Variants in POLR2B observed in about 807,000 individuals in gnomAD.
POLR2B encodes the protein DNA-directed RNA polymerase II subunit RPB2.
A neutral mutation model predicts 144.6 loss-of-function variants in POLR2B; 57 were observed. The observed-to-expected ratio is 0.39, with a 90% CI of 0.32 to 0.49. The LOEUF (loss-of-function observed/expected upper bound fraction) is 0.49, where lower values mean the gene tolerates loss of function less well. Among genes scored for constraint, POLR2B ranks in the 20% least tolerant of loss-of-function variants. POLR2B has a pLI of 0.83. For missense variants in POLR2B, 595 were observed against 1,467.4 expected, an observed-to-expected ratio of 0.41 and a Z score of 9.71; for synonymous variants, 442 against 469.8, an observed-to-expected ratio of 0.94 and a Z score of 0.77.
At chr4:56,982,638 T>G (rs556677605) in intron 1 of POLR2B, among the ~76,000 whole-genome samples, 1 of 152,276 alleles carries the variant, frequency 6.6e-6, no homozygotes, top group African/African-American at 2.4e-5. Context: ...TTTTTTTTTC[T>G]TGCCATTATT....
Position 57,010,879 on chromosome 4 carries a change from T to C in POLR2B, c.1680T>C (p.Ala560=), listed in dbSNP as rs1482835272. 1 of 1,608,974 alleles carries C rather than the reference T, an allele frequency of 6.2e-7. No individual in the cohort carries two copies. The highest frequency in any genetic ancestry group is 2.2e-5 in the East Asian group (1 of 44,824). ...MENLEEISPA[A]IADATKIFVN... ...ATTTAGAAGAAATTTCTCCTGCAGC[T>C]ATTGCTGAGTGTGTATAGATGGAAT... Residue 560 remains alanine, a synonymous_variant, in exon 12 of 25, where the codon GCT becomes GCC. Transcript: ENST00000314595.
rs1723395599 is a variant in POLR2B, at chr4:57,017,190, A to G, written c.2103A>G (p.Ser701=). ...STYTHCEIHP[S]MILGVCASII... is the part of the protein sequence containing the mutation. ...ATACACACTGTGAGATTCATCCCTC[A>G]ATGATCCTTGGTGTCTGTGCATCTA... The change falls in exon 15 of 25, where the codon TCA becomes TCG. Residue 701 remains serine (S), a synonymous_variant. Transcript: ENST00000314595. This position sits in a 1 kb window ranked among gnomAD's most constrained non-coding sequence, Gnocchi z 4.8. 1 of 1,613,442 alleles carries G rather than the reference A, an allele frequency of 6.2e-7. No individual in the cohort carries two copies. The highest frequency in any genetic ancestry group is 8.5e-7 in the Non-Finnish European group (1 of 1,179,650).
rs1407741557 is a variant in POLR2B at position 57,022,246 on chromosome 4, G to C, written c.2515G>C (p.Gly839Arg). The stretch of plus-strand genomic sequence containing the variant: ...GAAGCCTACACGTGAAACATGCCAG[G>C]GTAAGTGACACTAACATTTAAATGA... ...FEKPTRETCQ[G>R]MRHAIYDKLD... The change falls in exon 18 of 25, where the codon GGC (glycine) becomes CGC (arginine). Residue 839 changes from glycine to arginine, a missense_variant and splice_region_variant. This residue lies in a region of POLR2B where 75 missense variants were observed against 100.0 expected (regional missense o/e 0.75). Transcript: ENST00000314595. 1 of 1,572,124 alleles carries C rather than the reference G, an allele frequency of 6.4e-7. No homozygotes were observed. The highest frequency in any genetic ancestry group is 8.7e-7 in the Non-Finnish European group (1 of 1,147,296).
chr4:57,004,468 G>T (rs916791721), intron 7 of POLR2B, among the ~76,000 whole-genome samples: 1 of 151,538 alleles, frequency 6.6e-6, no homozygotes, highest in Non-Finnish European at 1.5e-5. Context: ...CTGGACTCAA[G>T]CCATCCTCCT....
chr4:57,010,919 A>G lies in POLR2B; in HGVS notation c.1688+32A>G, dbSNP rs200434775. The G allele has an allele frequency of 9.4e-5, 150 of 1,599,348 alleles. No individual in the cohort carries two copies. In the African/African-American group the frequency reaches 1.9e-3, roughly 20 times the overall value. Reference sequence around the variant, plus strand: ...ATAGATGGAATTAGTTTTTTAAACTATAGTTAATCTTTAGTTGTTGCTTAG... The same window carrying G: ...ATAGATGGAATTAGTTTTTTAAACTGTAGTTAATCTTTAGTTGTTGCTTAG... On this transcript the variant is annotated intron_variant, in intron 12 of 24. Transcript: ENST00000314595.
At position 57,017,282 on chromosome 4, in the gene POLR2B, G is replaced by T. The variant is rs755418164; in HGVS notation, c.2154+41G>T. The T allele has an allele frequency of 4.9e-6, 7 of 1,430,670 alleles. No homozygotes were observed. In the Admixed American group the frequency reaches 1.3e-4, roughly 27 times the overall value. 88.6% of individuals were successfully genotyped at this position (1,430,670 alleles called of 1,614,324 possible). ...TGTCTTCTGGTGTGAGGAATTGGGA[G>T]AAGTAATAAAAATTGAAAGTAACTC... On this transcript the variant is annotated intron_variant, in intron 15 of 24. Transcript: ENST00000314595. This position sits in a 1 kb window ranked among gnomAD's most constrained non-coding sequence, Gnocchi z 4.8.
chr4:57,016,285 G>A (rs1578585339), intron 14 of POLR2B, among the ~76,000 whole-genome samples: 1 of 152,024 alleles, frequency 6.6e-6, no homozygotes, highest in South Asian at 2.1e-4. Context: ...AGTGGCTCAT[G>A]CCTGTAATCT....
rs1341954148 is a variant in POLR2B, at chr4:57,013,324, G to T, written c.1801-2178G>T. On this transcript the variant is annotated intron_variant, in intron 13 of 24. Coordinates refer to ENST00000314595, the MANE Select transcript of POLR2B (RefSeq NM_000938.3). Reference sequence around the variant, plus strand: ...CTTATTTACAGCTTGAAGTCAGGAAGAGAGTGATTCACTTGAGGGCAGGCA... The same window carrying T: ...CTTATTTACAGCTTGAAGTCAGGAATAGAGTGATTCACTTGAGGGCAGGCA... 1.7e-4 allele frequency among the ~76,000 whole-genome samples: 26 copies of T among 152,262 alleles called. No homozygotes were observed. In the East Asian group the frequency reaches 4.2e-3, roughly 25 times the overall value.
In POLR2B at chr4:56,994,676, C is replaced by T; in HGVS notation, c.386C>T (p.Thr129Ile). The T allele has an allele frequency of 9.9e-6, 16 of 1,612,396 alleles. No homozygotes were observed. The highest frequency in any genetic ancestry group is 1.4e-5 in the Non-Finnish European group (16 of 1,178,604). Residue 129 changes from threonine (T) to isoleucine (I), a missense_variant, in exon 5 of 25, where the codon ACA (threonine) becomes ATA (isoleucine). By Grantham distance (89) the Thr-to-Ile change is moderately conservative. Around this residue, in one of 9 missense-constraint regions of POLR2B, gnomAD observed 251 missense variants for 567.3 expected, o/e 0.44. Transcript: ENST00000314595. ...TYSAPLYVDI[T>I]KTVIKEGEEQ... ...TCTGCTCCGCTTTATGTTGATATAA[C>T]AAAAACAGTCATTAAAGAAGGTGAA...
intron 6 of POLR2B, among the ~76,000 whole-genome samples, chr4:56,996,924 AAAC>A (rs1162428647): frequency 2.6e-5 from 4 of 151,936 alleles, no homozygotes; most frequent in Non-Finnish European, 2.9e-5. Flanking sequence ...TTCTCTAGCA[AAAC>A]AACAACAACA....
At chr4:56,987,006 T>C (rs1228293028) in intron 2 of POLR2B, among the ~76,000 whole-genome samples, 1 of 152,202 alleles carries the variant, frequency 6.6e-6, no homozygotes, top group Non-Finnish European at 1.5e-5. Flanking sequence ...TCCTTTAATC[T>C]GGAACAGTTC....
At position 57,023,848 on chromosome 4, in the gene POLR2B, C is replaced by A; in HGVS notation, c.2856+97C>A. The A allele has an allele frequency of 1.1e-6, 1 of 880,004 alleles. No homozygotes were observed. The highest frequency in any genetic ancestry group is 1.8e-6 in the Non-Finnish European group (1 of 561,070). 54.5% of individuals were successfully genotyped at this position (880,004 alleles called of 1,614,324 possible). On this transcript the variant is annotated intron_variant, in intron 20 of 24. Transcript: ENST00000314595. The surrounding 1 kb of genome is among the most constrained non-coding windows in gnomAD (Gnocchi z 4.3). ...TTAACTTAAGAGCTCAAAGATGATA[C>A]AGGTTGAACTTTTTGATTTTATTGT... is the stretch of plus-strand genomic sequence containing the variant.
chr4:56,987,398 A>G (rs994083841), intron 2 of POLR2B, among the ~76,000 whole-genome samples: 1 of 30,738 alleles, frequency 3.3e-5, no homozygotes, highest in African/African-American at 1.4e-4. Flanking sequence ...TTAAAGGCTT[A>G]TAACTCTTCT....
At chr4:57,003,931 A>G (rs1722929565) in intron 7 of POLR2B, among the ~76,000 whole-genome samples, 1 of 151,960 alleles carries the variant, frequency 6.6e-6, no homozygotes, top group South Asian at 2.1e-4. Context: ...ACTGCATTCC[A>G]GCCAGGGCGA....
chr4:57,023,451 A>G lies in POLR2B; in HGVS notation c.2637A>G (p.Glu879=), dbSNP rs1392204639. The change falls in exon 19 of 25, where the codon GAA becomes GAG. Residue 879 remains glutamate, a synonymous_variant. Coordinates refer to ENST00000314595, the MANE Select transcript of POLR2B (RefSeq NM_000938.3). This position sits in a 1 kb window ranked among gnomAD's most constrained non-coding sequence, Gnocchi z 4.3. ...KTVTLPENED[E]LESTNRRYTK... is the part of the protein sequence containing the mutation. ...TCACCTTGCCTGAAAATGAAGATGA[A>G]TTGGAGAGCACCAATAGACGCTATA... 1.2e-6 allele frequency: 2 copies of G among 1,614,022 alleles called. No individual in the cohort carries two copies.
At chr4:56,988,893 A>G (rs1722418768) in intron 2 of POLR2B, among the ~76,000 whole-genome samples, 1 of 152,364 alleles carries the variant, frequency 6.6e-6, no homozygotes, top group South Asian at 2.1e-4. Context: ...TGTTTTCAAC[A>G]TATGTGGTAG....
At chr4:56,984,797 CA>C (rs1722266018) in intron 1 of POLR2B, among the ~76,000 whole-genome samples, 1 of 152,080 alleles carries the variant, frequency 6.6e-6, no homozygotes, top group Admixed American at 6.6e-5. Flanking sequence ...GAATAAAAGC[CA>C]AAAATACAGC....
intron 7 of POLR2B, among the ~76,000 whole-genome samples, chr4:57,002,034 T>A (rs1363611114): frequency 1.3e-5 from 2 of 152,156 alleles, no homozygotes; most frequent in African/African-American, 4.8e-5. Context: ...GTTACATACC[T>A]TATTATTATT....
At chr4:56,997,022 G>A (rs1180728921) in intron 6 of POLR2B, among the ~76,000 whole-genome samples, 3 of 152,166 alleles carry the variant, frequency 2.0e-5, no homozygotes, top group African/African-American at 7.2e-5. Context: ...TGGCTTGAGT[G>A]CTGAGGTTGC....
Sources: gnomAD v4.1 joint callset for allele counts (sites outside exome capture counted in the v4.1 genomes callset) on GRCh38, gnomAD v4.1.1 for gene constraint, gnomAD v4.1.1 regional missense constraint, Gnocchi (gnomAD v3.1) non-coding constraint, MANE v1.5 for transcripts, NCBI Gene and HGNC (gene_info 2026-07-23, HGNC 2026-07-21) for gene names.